The following GMPS variants were observed in gnomAD, a reference collection of about 807,000 sequenced individuals.
The protein encoded by GMPS is GMP synthase [glutamine-hydrolyzing].
A neutral mutation model predicts 77.9 loss-of-function variants in GMPS; 15 were observed. The observed-to-expected ratio is 0.19, with a 90% CI of 0.13 to 0.30. GMPS has a LOEUF of 0.30. Among genes scored for constraint, GMPS ranks in the 10% least tolerant of loss-of-function variants. GMPS has a pLI of 1.00. For synonymous variants in GMPS, 224 were observed against 275.9 expected, an observed-to-expected ratio of 0.81 and a Z score of 1.86; for missense variants, 590 against 838.8, an observed-to-expected ratio of 0.70 and a Z score of 3.66.
chr3:155,874,783 T>C (rs1753998896), intron 1 of GMPS, among the ~76,000 whole-genome samples: 1 of 152,178 alleles, frequency 6.6e-6, no homozygotes, highest in Admixed American at 6.5e-5. Flanking sequence ...ATGTATTTGA[T>C]ACTTTTTTAA....
chr3:155,932,180 A>G lies in GMPS; in HGVS notation c.1676+300A>G, dbSNP rs1028622525. Among the ~76,000 whole-genome samples, 9 of 152,126 alleles carry G rather than the reference A, an allele frequency of 5.9e-5. No homozygotes were observed. The highest frequency in any genetic ancestry group is 7.2e-5 in the African/African-American group (3 of 41,420). ...AAGGCAGCTGTAAAACATCTTCTAA[A>G]TTAGTGGTTTATATTAGCTGTTGGT... On this transcript the variant is annotated intron_variant, in intron 13 of 15. Transcript: ENST00000496455.
Position 155,931,673 on chromosome 3 carries a change from C to CTTTT in GMPS, c.1561-85_1561-82dup, listed in dbSNP as rs201644213. 6 of 468,698 alleles carry CTTTT rather than the reference C, an allele frequency of 1.3e-5. No homozygotes were observed. The East Asian group carries it at 1.9e-4, about 15-fold the overall frequency. 29.0% of individuals were successfully genotyped at this position (468,698 alleles called of 1,614,324 possible). ...TAAGATATTTTTCAATGCATCTTTTCTTTTTTTTTTAAAAAAAAAAAAAAG... is the reference window on the plus strand; with the variant it reads ...TAAGATATTTTTCAATGCATCTTTTCTTTTTTTTTTTTTTAAAAAAAAAAAAAAG... On this transcript the variant is annotated intron_variant, in intron 12 of 15. Transcript: ENST00000496455.
intron 1 of GMPS, among the ~76,000 whole-genome samples, chr3:155,874,762 T>C (rs1381921644): frequency 6.6e-5 from 10 of 152,322 alleles, no homozygotes; most frequent in South Asian, 2.1e-4. Flanking sequence ...ACTTGTCTTA[T>C]ACTTGTACAA....
intron 1 of GMPS, among the ~76,000 whole-genome samples, chr3:155,873,652 T>TTTTTTTTTTTTTG (rs1560032835): frequency 7.0e-6 from 1 of 143,572 alleles, no homozygotes; most frequent in African/African-American, 2.6e-5. Flanking sequence ...TTTTTTTTTT[T>TTTTTTTTTTTTTG]GAGATGGAGT....
intron 10 of GMPS, among the ~76,000 whole-genome samples, chr3:155,921,720 A>G (rs1222848394): frequency 1.3e-5 from 2 of 152,058 alleles, no homozygotes; most frequent in Non-Finnish European, 2.9e-5. Flanking sequence ...TGAGCTCAGG[A>G]ATTTGAGGCT....
intron 1 of GMPS, among the ~76,000 whole-genome samples, chr3:155,888,569 G>A (rs1329515186): frequency 1.3e-5 from 2 of 150,716 alleles, no homozygotes; most frequent in South Asian, 2.1e-4. Context: ...CCACAGGCAC[G>A]TGCACCCACT....
At chr3:155,898,244 C>G (rs1754648832) in intron 3 of GMPS, among the ~76,000 whole-genome samples, 1 of 152,134 alleles carries the variant, frequency 6.6e-6, no homozygotes, top group Non-Finnish European at 1.5e-5. Context: ...AGTAAGTACA[C>G]TGTTTCATGT....
intron 9 of GMPS, among the ~76,000 whole-genome samples, chr3:155,917,051 T>C (rs376098888): frequency 1.3e-5 from 2 of 152,068 alleles, no homozygotes; most frequent in African/African-American, 4.8e-5. Context: ...CTCGGCTCAC[T>C]GCAACCTCTG....
intron 7 of GMPS, among the ~76,000 whole-genome samples, 158 bp from the exon 8 acceptor site, chr3:155,914,261 T>C (rs1234980693): frequency 6.6e-6 from 1 of 152,200 alleles, no homozygotes. Context: ...TTCTTGAATA[T>C]TGATAGTTTA....
chr3:155,939,042 G>T lies in GMPS; in HGVS notation c.*1350G>T. The T allele has an allele frequency of 4.6e-6, 1 of 218,806 alleles. No individual in the cohort carries two copies. Among genetic ancestry groups the T allele is most frequent in the Non-Finnish European group, 9.2e-6 (1 of 108,926 alleles). The allele number at this position is 218,806 out of a possible 1,614,324, so 13.6% of individuals were successfully genotyped here. A position where few individuals can be genotyped will look rare whatever the true frequency, so the allele number is the denominator to read the frequency against. ...TTCAGTGTTAGACAAACAACAAAAT[G>T]ATGCGTGGCAGAAGTCATCTTTTTA... is the stretch of plus-strand genomic sequence containing the variant. On this transcript the variant is annotated 3_prime_UTR_variant, in exon 16 of 16. Coordinates refer to ENST00000496455, the MANE Select transcript of GMPS (RefSeq NM_003875.3).
rs977685908 is a variant in GMPS, at chr3:155,943,476, C to T, written c.*5784C>T. 3 of 179,010 alleles carry T rather than the reference C, an allele frequency of 1.7e-5. No homozygotes were observed. The highest frequency in any genetic ancestry group is 2.4e-5 in the Non-Finnish European group (2 of 83,518). The allele number at this position is 179,010 out of a possible 1,614,324, so 11.1% of individuals were successfully genotyped here. A position where few individuals can be genotyped will look rare whatever the true frequency, so the allele number is the denominator to read the frequency against. On this transcript the variant is annotated 3_prime_UTR_variant, in exon 16 of 16. Coordinates refer to ENST00000496455, the MANE Select transcript of GMPS (RefSeq NM_003875.3). ...AAGTAGTTTTTCGTCTTTGCATCTCCTAAGACCATTGTTAACAACCTTGAT... is the reference window on the plus strand; with the variant it reads ...AAGTAGTTTTTCGTCTTTGCATCTCTTAAGACCATTGTTAACAACCTTGAT...
chr3:155,923,145 G>T (rs1452684246), intron 11 of GMPS, among the ~76,000 whole-genome samples: 2 of 152,004 alleles, frequency 1.3e-5, no homozygotes, highest in African/African-American at 4.8e-5. Flanking sequence ...TTCATAATAA[G>T]AATAATGTAT....
intron 1 of GMPS, among the ~76,000 whole-genome samples, chr3:155,871,362 G>A (rs894506783): frequency 2.6e-5 from 4 of 152,164 alleles, no homozygotes; most frequent in Admixed American, 6.5e-5. Context: ...GGGGCCTCCT[G>A]TGCGGCGTTG....
chr3:155,884,685 T>A (rs1373245188), intron 1 of GMPS, among the ~76,000 whole-genome samples: 1 of 152,200 alleles, frequency 6.6e-6, no homozygotes, highest in Non-Finnish European at 1.5e-5. Context: ...TTCTATTTTC[T>A]TACCCCTAGT....
intron 1 of GMPS, among the ~76,000 whole-genome samples, chr3:155,888,290 A>G (rs1017974255): frequency 2.7e-5 from 4 of 145,854 alleles, no homozygotes; most frequent in African/African-American, 1.0e-4. Flanking sequence ...ACTAATTTTG[A>G]TTCATGTTCT....
chr3:155,880,732 T>C (rs1754190121), intron 1 of GMPS, among the ~76,000 whole-genome samples: 3 of 152,176 alleles, frequency 2.0e-5, no homozygotes, highest in Non-Finnish European at 1.5e-5. Flanking sequence ...GTTAAAACTT[T>C]TTTCAGTTAT....
chr3:155,939,820 G>A lies in GMPS; in HGVS notation c.*2128G>A. On this transcript the variant is annotated 3_prime_UTR_variant, in exon 16 of 16. Coordinates refer to ENST00000496455, the MANE Select transcript of GMPS (RefSeq NM_003875.3). ...TCTTTTGCACAGCACTTTTTGCTTT[G>A]TGCCATATAGCATTACTCTGTACCT... The A allele has an allele frequency of 5.0e-6, 1 of 199,904 alleles. No homozygotes were observed. Among genetic ancestry groups the A allele is most frequent in the East Asian group, 7.7e-5 (1 of 12,998 alleles). 12.4% of individuals were successfully genotyped at this position (199,904 alleles called of 1,614,324 possible).
intron 3 of GMPS, among the ~76,000 whole-genome samples, chr3:155,900,626 G>A (rs1210434940): frequency 1.3e-5 from 2 of 152,098 alleles, no homozygotes; most frequent in South Asian, 4.1e-4. Context: ...CATTATGTCA[G>A]TTTCCTGATA....
Position 155,924,107 on chromosome 3 carries a change from C to T in GMPS, c.1435-1134C>T, listed in dbSNP as rs556721870. 1.1e-3 allele frequency among the ~76,000 whole-genome samples: 175 copies of T among 152,180 alleles called. 1 individual carries two copies. The highest frequency in any genetic ancestry group is 3.9e-3 in the African/African-American group (160 of 41,524). On this transcript the variant is annotated intron_variant, in intron 11 of 15. Coordinates refer to ENST00000496455, the MANE Select transcript of GMPS (RefSeq NM_003875.3). The stretch of plus-strand genomic sequence containing the variant: ...GTTGGTCAGGCTAGTCTCAAACTCC[C>T]GACCTCAGGTGATCACCCGCCTCGG...
Sources: gnomAD v4.1 joint callset for allele counts (sites outside exome capture counted in the v4.1 genomes callset) on GRCh38, gnomAD v4.1.1 for gene constraint, MANE v1.5 for transcripts, NCBI Gene and HGNC (gene_info 2026-07-23, HGNC 2026-07-21) for gene names.